Variants in THSD7B observed in about 807,000 individuals in gnomAD.
The protein encoded by THSD7B is thrombospondin type 1 domain containing 7B.
THSD7B carries 138 observed loss-of-function variants against 213.6 expected under a neutral mutation model. That is an observed-to-expected ratio of 0.65 (90% CI 0.56 to 0.74). THSD7B has a LOEUF of 0.74. Ranked by LOEUF, THSD7B falls within the 30% of genes least tolerant of loss-of-function variation. THSD7B has a pLI of 0.00. For missense variants in THSD7B, 1,931 were observed against 1,991.5 expected, an observed-to-expected ratio of 0.97 and a Z score of 0.58; for synonymous variants, 742 against 687.0, an observed-to-expected ratio of 1.08 and a Z score of -1.25.
At chr2:137,499,104 G>A (rs993350885) in intron 15 of THSD7B, among the ~76,000 whole-genome samples, 1 of 152,162 alleles carries the variant, frequency 6.6e-6, no homozygotes, top group African/African-American at 2.4e-5. Flanking sequence ...TAGGCTGTGT[G>A]CCTCTTGCAG....
chr2:137,033,335 C>T (rs1263180208), intron 2 of THSD7B, among the ~76,000 whole-genome samples: 1 of 152,196 alleles, frequency 6.6e-6, no homozygotes, highest in Non-Finnish European at 1.5e-5. Flanking sequence ...CATCTTCCAG[C>T]AGGCTAGCTC....
intron 1 of THSD7B, among the ~76,000 whole-genome samples, chr2:136,766,994 G>T (rs1024735124): frequency 1.1e-5 from 1 of 89,414 alleles, no homozygotes; most frequent in Non-Finnish European, 2.5e-5. Flanking sequence ...TTGTGTGTGT[G>T]TGTATACATG....
intron 7 of THSD7B, among the ~76,000 whole-genome samples, chr2:137,196,822 A>C (rs36060548): frequency 0.091 from 13,810 of 152,224 alleles, 803 homozygotes; most frequent in African/African-American, 0.17. Flanking sequence ...ATATGCAAAT[A>C]TTCAAAAATT....
chr2:137,604,913 T>C (rs1402611633), intron 17 of THSD7B, among the ~76,000 whole-genome samples: 1 of 152,236 alleles, frequency 6.6e-6, no homozygotes, highest in Non-Finnish European at 1.5e-5. Context: ...TCTTAATATT[T>C]ATTTGTAGGA....
intron 2 of THSD7B, among the ~76,000 whole-genome samples, chr2:137,041,253 A>C (rs929979800): frequency 6.6e-6 from 1 of 152,196 alleles, no homozygotes; most frequent in Non-Finnish European, 1.5e-5. Flanking sequence ...GGGGATAGTC[A>C]CACATTTGTT....
At chr2:136,987,028 G>T (rs1351615060) in intron 2 of THSD7B, among the ~76,000 whole-genome samples, 1 of 152,190 alleles carries the variant, frequency 6.6e-6, no homozygotes, top group African/African-American at 2.4e-5. Flanking sequence ...CACCTACTTT[G>T]TGACAGAACA....
Position 137,112,195 on chromosome 2 carries a change from G to A in THSD7B, c.1200-2929G>A, listed in dbSNP as rs1015362955. On this transcript the variant is annotated intron_variant, in intron 4 of 27. Coordinates refer to ENST00000409968, the MANE Select transcript of THSD7B (RefSeq NM_001316349.2). The stretch of plus-strand genomic sequence containing the variant: ...AGGATGTTCAGTTTTCATGGCTGCC[G>A]GGATGATTTGTGACTAAACGTAGAT... 3.4e-4 allele frequency among the ~76,000 whole-genome samples: 51 copies of A among 152,038 alleles called. 1 individual carries two copies. The highest frequency in any genetic ancestry group is 1.9e-4 in the East Asian group (1 of 5,166).
intron 17 of THSD7B, among the ~76,000 whole-genome samples, chr2:137,597,465 C>A (rs1315317579): frequency 1.5e-5 from 2 of 136,472 alleles, no homozygotes; most frequent in African/African-American, 2.9e-5. Context: ...CAAAAAAAAA[C>A]CTGTTTTTTT....
chr2:136,924,173 A>T (rs979378797), intron 2 of THSD7B, among the ~76,000 whole-genome samples: 1 of 152,004 alleles, frequency 6.6e-6, no homozygotes, highest in African/African-American at 2.4e-5. Context: ...CCTCTGCCTC[A>T]TGGGTTCAAG....
In THSD7B at chr2:136,927,881, C is replaced by T. The variant is rs532257790; in HGVS notation, c.139+45564C>T. On this transcript the variant is annotated intron_variant, in intron 2 of 27. Coordinates refer to ENST00000409968, the MANE Select transcript of THSD7B (RefSeq NM_001316349.2). ...TAACGGAGGGTCAGCAAGTTAAAGC[C>T]CTTTGATTGCCTTATAAAGACACTT... 2.6e-5 allele frequency among the ~76,000 whole-genome samples: 4 copies of T among 152,284 alleles called. No individual in the cohort carries two copies. In the East Asian group the frequency reaches 5.8e-4, roughly 22 times the overall value.
chr2:137,528,444 A>C (rs1217753996), intron 15 of THSD7B, among the ~76,000 whole-genome samples: 1 of 152,138 alleles, frequency 6.6e-6, no homozygotes, highest in Admixed American at 6.6e-5. Context: ...TATGTTTAGC[A>C]ATAGAAGAAT....
chr2:136,968,524 G>A (rs1402048043), intron 2 of THSD7B, among the ~76,000 whole-genome samples: 1 of 151,828 alleles, frequency 6.6e-6, no homozygotes, highest in African/African-American at 2.4e-5. Flanking sequence ...TGCTGCACTG[G>A]TTATATATGA....
chr2:136,981,338 C>T (rs779438400), intron 2 of THSD7B, among the ~76,000 whole-genome samples: 2 of 152,060 alleles, frequency 1.3e-5, no homozygotes, highest in Non-Finnish European at 2.9e-5. Flanking sequence ...GAATATTGGA[C>T]AAAAAGATAT....
In THSD7B at chr2:136,941,183, A is replaced by G. The variant is rs180744900; in HGVS notation, c.139+58866A>G. Among the ~76,000 whole-genome samples the G allele has an allele frequency of 8.2e-3, 1,239 of 151,942 alleles. 8 individuals are homozygous for G. Among genetic ancestry groups the G allele is most frequent in the Non-Finnish European group, 0.013 (916 of 67,964 alleles). On this transcript the variant is annotated intron_variant, in intron 2 of 27. Coordinates refer to ENST00000409968, the MANE Select transcript of THSD7B (RefSeq NM_001316349.2). ...ATCCACGTCCCTGCAAAAGACATGA[A>G]CTCATCCTTTTTTATGGCTGCATAG... is the stretch of plus-strand genomic sequence containing the variant.
intron 12 of THSD7B, among the ~76,000 whole-genome samples, chr2:137,368,053 A>G (rs201377309): frequency 2.3e-5 from 3 of 130,886 alleles, no homozygotes; most frequent in East Asian, 2.3e-4. Flanking sequence ...GTTCAAGACT[A>G]AAGGACTCAG....
intron 2 of THSD7B, among the ~76,000 whole-genome samples, chr2:136,963,038 ATC>A (rs1313802713): frequency 1.3e-5 from 2 of 152,218 alleles, no homozygotes; most frequent in African/African-American, 4.8e-5. Flanking sequence ...TACATATCAT[ATC>A]TCAGAGATGG....
chr2:137,572,150 G>A (rs991352132), intron 16 of THSD7B, among the ~76,000 whole-genome samples: 3 of 152,108 alleles, frequency 2.0e-5, no homozygotes, highest in Admixed American at 6.5e-5. Context: ...GTCAACCATT[G>A]CCTTTAGTCC....
chr2:137,211,099 CTTCCT>C (rs1359673989), intron 7 of THSD7B, among the ~76,000 whole-genome samples: 3 of 152,042 alleles, frequency 2.0e-5, no homozygotes, highest in African/African-American at 7.2e-5. Flanking sequence ...TTGCAAGATA[CTTCCT>C]TGACATTTAG....
intron 17 of THSD7B, among the ~76,000 whole-genome samples, chr2:137,605,013 C>G (rs1248796482): frequency 6.6e-6 from 1 of 151,942 alleles, no homozygotes; most frequent in African/African-American, 2.4e-5. Flanking sequence ...ACATATAAGT[C>G]CTTTGGGTAT....
Sources: gnomAD v4.1 joint callset for allele counts (sites outside exome capture counted in the v4.1 genomes callset) on GRCh38, gnomAD v4.1.1 for gene constraint, MANE v1.5 for transcripts, NCBI Gene and HGNC (gene_info 2026-07-23, HGNC 2026-07-21) for gene names.